NCOR1: variants seen among roughly 807,000 people sequenced by gnomAD.
NCOR1 encodes the protein nuclear receptor corepressor 1.
NCOR1 carries 63 observed loss-of-function variants against 288.1 expected under a neutral mutation model. The observed-to-expected ratio is 0.22, with a 90% CI of 0.18 to 0.27. NCOR1 has a LOEUF of 0.27. Ranked by LOEUF, NCOR1 falls within the 10% of genes least tolerant of loss-of-function variation. The probability of loss-of-function intolerance (pLI) is 1.00; values close to 1 mark genes in which losing one functional copy is unlikely to be tolerated. For missense variants in NCOR1, 2,397 were observed against 3,019.2 expected (o/e 0.79, Z 4.83); for synonymous variants, 1,007 against 1,065.9 (o/e 0.94, Z 1.08).
chr17:16,108,795 C>A lies in NCOR1; in HGVS notation c.2173G>T (p.Asp725Tyr). Reference protein sequence around the residue: ...EASNEEENPEDSEVEAVKPSE... With the variant: ...EASNEEENPEYSEVEAVKPSE... ...TAAAATTTTGAGATACCTTCGCTGT[C>A]TTCTGGATTTTCTTCTTCATTGGAG... The change falls in exon 19 of 46, where the codon GAC (aspartate) becomes TAC (tyrosine). Residue 725 changes from aspartate to tyrosine, a missense_variant. Coordinates refer to ENST00000268712, the MANE Select transcript of NCOR1 (RefSeq NM_006311.4). The A allele has an allele frequency of 6.3e-7, 1 of 1,597,222 alleles. No homozygotes were observed. Among genetic ancestry groups the A allele is most frequent in the South Asian group, 1.1e-5 (1 of 87,222 alleles).
rs144642845 is a variant in NCOR1 at position 16,080,842 on chromosome 17, C to A, written c.3178-115G>T. 277 of 953,804 alleles carry A rather than the reference C, an allele frequency of 2.9e-4. 1 individual carries two copies. In the East Asian group the frequency reaches 7.0e-3, roughly 24 times the overall value. The allele number at this position is 953,804 out of a possible 1,614,324, so 59.1% of individuals were successfully genotyped here. A position where few individuals can be genotyped will look rare whatever the true frequency, so the allele number is the denominator to read the frequency against. On this transcript the variant is annotated intron_variant, in intron 23 of 45. Transcript: ENST00000268712. ...GTTTAAAAAAAAAAAAAATTATACC[C>A]CTTCTACCCAAAACCAAGAATAGTT...
At chr17:16,038,055 AAG>A (rs2056778367) in intron 44 of NCOR1, among the ~76,000 whole-genome samples, 1 of 152,210 alleles carries the variant, frequency 6.6e-6, no homozygotes, top group African/African-American at 2.4e-5. Flanking sequence ...GAAGGTCTTA[AAG>A]TTAACATGTA....
At chr17:16,144,740 C>G (rs1347031283) in intron 10 of NCOR1, among the ~76,000 whole-genome samples, 1 of 151,736 alleles carries the variant, frequency 6.6e-6, no homozygotes, top group Non-Finnish European at 1.5e-5. Flanking sequence ...CTCTCCCTCT[C>G]CGCTTCTCCC....
intron 14 of NCOR1, among the ~76,000 whole-genome samples, chr17:16,136,247 A>T (rs944705959): frequency 6.6e-6 from 1 of 152,176 alleles, no homozygotes; most frequent in Non-Finnish European, 1.5e-5. Flanking sequence ...GTGCAATGGC[A>T]CAATCATGGC....
chr17:16,101,119 T>C, intron 20 of NCOR1, 131 bp downstream of exon 20: 1 of 875,738 alleles, frequency 1.1e-6, no homozygotes, highest in Non-Finnish European at 1.7e-6. Flanking sequence ...CAGCCCAATA[T>C]TAAAATTGTA....
intron 37 of NCOR1, among the ~76,000 whole-genome samples, chr17:16,060,592 AC>A (rs1234170132): frequency 6.6e-6 from 1 of 152,236 alleles, no homozygotes; most frequent in Non-Finnish European, 1.5e-5. Context: ...TATGACGTAA[AC>A]AAATTATAAT....
At chr17:16,137,105 T>C (rs1240742179) in intron 14 of NCOR1, among the ~76,000 whole-genome samples, 2 of 152,130 alleles carry the variant, frequency 1.3e-5, no homozygotes, top group African/African-American at 2.4e-5. Context: ...TTTATCATAG[T>C]AGAAACTTAA....
chr17:16,185,458 C>T (rs575165588), intron 3 of NCOR1, among the ~76,000 whole-genome samples: 20 of 151,846 alleles, frequency 1.3e-4, no homozygotes, highest in Non-Finnish European at 2.5e-4. Flanking sequence ...CCAAAGCGGG[C>T]AGATCACTTG....
In NCOR1 at chr17:16,098,483, C is replaced by A. The variant is rs2067036957; in HGVS notation, c.2704G>T (p.Asp902Tyr). The A allele has an allele frequency of 1.2e-6, 2 of 1,604,588 alleles. No homozygotes were observed. The highest frequency in any genetic ancestry group is 1.3e-5 in the African/African-American group (1 of 74,472). ...GGGTTTAACAGTGAAGGCTTTGAGT[C>A]CATAGGAAACATTCTGCAATTGCAA... Reference protein sequence around the residue: ...EPERQRMFPMDSKPSLLNPTG... With the variant: ...EPERQRMFPMYSKPSLLNPTG... Residue 902 changes from aspartate (D) to tyrosine (Y), a missense_variant, in exon 21 of 46, where the codon GAC becomes TAC. Transcript: ENST00000268712.
At chr17:16,109,493 G>A (rs2069529016) in intron 18 of NCOR1, among the ~76,000 whole-genome samples, 1 of 151,906 alleles carries the variant, frequency 6.6e-6, no homozygotes, top group Non-Finnish European at 1.5e-5. Flanking sequence ...ACATATCACT[G>A]TTACAAATTC....
chr17:16,077,792 G>A (rs1217542149), intron 26 of NCOR1, among the ~76,000 whole-genome samples: 1 of 152,102 alleles, frequency 6.6e-6, no homozygotes, highest in Non-Finnish European at 1.5e-5. Flanking sequence ...ATGCGTTTGA[G>A]CCTAGTTATA....
At chr17:16,058,699 A>C in intron 37 of NCOR1, 100 bp from the exon 38 acceptor site, 1 of 1,229,766 alleles carries the variant, frequency 8.1e-7, no homozygotes. Context: ...CTGATCCACC[A>C]TGTTCAAAGG....
chr17:16,143,772 T>G lies in NCOR1; in HGVS notation c.1083-76A>C. The G allele has an allele frequency of 2.7e-6, 3 of 1,097,706 alleles. No homozygotes were observed. The South Asian group carries it at 4.5e-5, about 17-fold the overall frequency. 68.0% of individuals were successfully genotyped at this position (1,097,706 alleles called of 1,614,324 possible). A position where few individuals can be genotyped will look rare whatever the true frequency, so the allele number is the denominator to read the frequency against. On this transcript the variant is annotated intron_variant, in intron 10 of 45. Transcript: ENST00000268712. ...CATATCAATTAAATTAACTATAGAT[T>G]ACTTTTCTGAATGGAACTTTTTAAC...
At chr17:16,049,775 CG>C (rs1286036746) in intron 40 of NCOR1, among the ~76,000 whole-genome samples, 1 of 152,010 alleles carries the variant, frequency 6.6e-6, no homozygotes, top group Non-Finnish European at 1.5e-5. Context: ...TTAGTAGAGA[CG>C]GGGTTTCACC....
chr17:16,197,598 T>C (rs1366270824), intron 1 of NCOR1, among the ~76,000 whole-genome samples: 1 of 152,180 alleles, frequency 6.6e-6, no homozygotes, highest in Non-Finnish European at 1.5e-5. Flanking sequence ...AGAAAGTCAA[T>C]AATTCCTCTA....
In NCOR1 at chr17:16,114,143, C is replaced by CAAAAAAAA. The variant is rs71353770; in HGVS notation, c.2055+3737_2055+3744dup. Among the ~76,000 whole-genome samples the CAAAAAAAA allele has an allele frequency of 9.2e-3, 162 of 17,654 alleles. 3 individuals are homozygous for CAAAAAAAA. Among genetic ancestry groups the CAAAAAAAA allele is most frequent in the Non-Finnish European group, 0.011 (85 of 7,968 alleles). 11.6% of individuals were successfully genotyped at this position (17,654 alleles called of 152,430 possible). ...TAACGTCTTACATGATGGCGGCAGG[C>CAAAAAAAA]AAAAAAAAAAAAAAAAAAAAAAAAA... is the stretch of plus-strand genomic sequence containing the variant. On this transcript the variant is annotated intron_variant, in intron 18 of 45. Coordinates refer to ENST00000268712, the MANE Select transcript of NCOR1 (RefSeq NM_006311.4).
chr17:16,064,287 C>A (rs2060875077), intron 34 of NCOR1, 100 bp from the exon 35 acceptor site: 1 of 1,459,290 alleles, frequency 6.9e-7, no homozygotes, highest in South Asian at 1.3e-5. Context: ...TTTCAAAAAG[C>A]TTCAAATTTG....
chr17:16,184,522 C>T (rs1196887480), intron 3 of NCOR1, among the ~76,000 whole-genome samples: 1 of 152,158 alleles, frequency 6.6e-6, no homozygotes, highest in Non-Finnish European at 1.5e-5. Context: ...GATATTCTCA[C>T]ACCCATTAGG....
At chr17:16,110,518 C>A (rs1305414623) in intron 18 of NCOR1, among the ~76,000 whole-genome samples, 1 of 152,114 alleles carries the variant, frequency 6.6e-6, no homozygotes, top group Non-Finnish European at 1.5e-5. Flanking sequence ...AAGACGTTAG[C>A]TATTTACATT....
Sources: gnomAD v4.1 joint callset for allele counts (sites outside exome capture counted in the v4.1 genomes callset) on GRCh38, gnomAD v4.1.1 for gene constraint, MANE v1.5 for transcripts, NCBI Gene and HGNC (gene_info 2026-07-23, HGNC 2026-07-21) for gene names.